The following CNTN4 variants were observed in gnomAD, a reference collection of about 807,000 sequenced individuals.
CNTN4 encodes the protein contactin-4.
In CNTN4, 77 loss-of-function variants were observed where a neutral mutation model predicts 122.5. The ratio of observed to expected loss-of-function variants is 0.63; its 90% CI spans 0.52 to 0.76. The LOEUF (loss-of-function observed/expected upper bound fraction) is 0.76. Among genes scored for constraint, CNTN4 ranks in the 30% least tolerant of loss-of-function variants. CNTN4 has a pLI of 0.00. For missense variants in CNTN4, 1,256 were observed against 1,259.1 expected (o/e 1.00, Z 0.04); for synonymous variants, 512 against 447.0 (o/e 1.15, Z -1.83).
At chr3:2,805,727 G>A (rs1034889132) in intron 6 of CNTN4, among the ~76,000 whole-genome samples, 1 of 152,022 alleles carries the variant, frequency 6.6e-6, no homozygotes, top group African/African-American at 2.4e-5. Context: ...GATGCCAAAG[G>A]GGGAGAAATT....
intron 6 of CNTN4, among the ~76,000 whole-genome samples, chr3:2,805,936 C>G (rs1214054602): frequency 6.6e-6 from 1 of 152,130 alleles, no homozygotes; most frequent in Non-Finnish European, 1.5e-5. Flanking sequence ...GAGTCTCGCT[C>G]TGTCGCCCAG....
At chr3:2,751,857 T>G (rs1326395831) in intron 6 of CNTN4, among the ~76,000 whole-genome samples, 1 of 152,144 alleles carries the variant, frequency 6.6e-6, no homozygotes, top group East Asian at 1.9e-4. Flanking sequence ...TTTTTTAACT[T>G]AGGAATGTGG....
At chr3:2,888,427 G>A (rs1240763644) in intron 10 of CNTN4, among the ~76,000 whole-genome samples, 5 of 152,036 alleles carry the variant, frequency 3.3e-5, no homozygotes, top group African/African-American at 1.2e-4. Context: ...CCTGATAAGA[G>A]ACCACCAACA....
At chr3:3,052,567 G>C (rs1201672959) in intron 23 of CNTN4, among the ~76,000 whole-genome samples, 1 of 152,162 alleles carries the variant, frequency 6.6e-6, no homozygotes, top group Non-Finnish European at 1.5e-5. Context: ...GGTTCTATAG[G>C]TAAAGGCACA....
intron 4 of CNTN4, among the ~76,000 whole-genome samples, chr3:2,644,131 AGT>A (rs2083014785): frequency 6.6e-6 from 1 of 152,112 alleles, no homozygotes; most frequent in Admixed American, 6.5e-5. Context: ...CCTGCCCCCC[AGT>A]GTGTGTTCTT....
At chr3:2,535,561 A>G (rs996111115) in intron 3 of CNTN4, among the ~76,000 whole-genome samples, 1 of 152,142 alleles carries the variant, frequency 6.6e-6, no homozygotes, top group Non-Finnish European at 1.5e-5. Flanking sequence ...TTTTGTTCAC[A>G]GTACTTGGTA....
intron 4 of CNTN4, among the ~76,000 whole-genome samples, chr3:2,575,155 T>C (rs2079603411): frequency 6.6e-6 from 1 of 152,046 alleles, no homozygotes; most frequent in African/African-American, 2.4e-5. Flanking sequence ...ATTATATGAA[T>C]ATGTTAAATT....
intron 2 of CNTN4, among the ~76,000 whole-genome samples, chr3:2,170,074 C>G (rs895609782): frequency 2.6e-5 from 4 of 151,968 alleles, no homozygotes; most frequent in Non-Finnish European, 5.9e-5. Flanking sequence ...GTAATCCCAG[C>G]ACTTTGGGAG....
In CNTN4 at chr3:2,683,732, T is replaced by C. The variant is rs551236843; in HGVS notation, c.56-52483T>C. 3.3e-4 allele frequency among the ~76,000 whole-genome samples: 51 copies of C among 152,244 alleles called. No homozygotes were observed. In the East Asian group the frequency reaches 5.4e-3, roughly 16 times the overall value. ...TGACATTTGAGCAAAGGTAAACACA[T>C]ATAAGAAATCTAAGACTTGCATTCT... On this transcript the variant is annotated intron_variant, in intron 4 of 24. Coordinates refer to ENST00000418658, the MANE Select transcript of CNTN4 (RefSeq NM_175607.3).
intron 2 of CNTN4, among the ~76,000 whole-genome samples, chr3:2,317,216 A>G (rs981840091): frequency 2.0e-5 from 3 of 152,210 alleles, no homozygotes; most frequent in Admixed American, 6.5e-5. Flanking sequence ...GACCTGATGG[A>G]TTATCATAAA....
At position 2,385,535 on chromosome 3, in the gene CNTN4, G is replaced by A. The variant is rs1305357639; in HGVS notation, c.-89+46302G>A. On this transcript the variant is annotated intron_variant, in intron 3 of 24. Coordinates refer to ENST00000418658, the MANE Select transcript of CNTN4 (RefSeq NM_175607.3). This position sits in a 1 kb window ranked among gnomAD's most constrained non-coding sequence, Gnocchi z 4.0. ...AAGTTTATTCTCTCACACTTCTAGAGGCCAGAAGTCCAAAATCAGGTGTTG... is the reference window on the plus strand; with the variant it reads ...AAGTTTATTCTCTCACACTTCTAGAAGCCAGAAGTCCAAAATCAGGTGTTG... Among the ~76,000 whole-genome samples, 2 of 152,028 alleles carry A rather than the reference G, an allele frequency of 1.3e-5. No individual in the cohort carries two copies. The highest frequency in any genetic ancestry group is 2.9e-5 in the Non-Finnish European group (2 of 68,012).
rs34815993 is a variant in CNTN4, at chr3:2,244,458, G to T, written c.-144-94720G>T. Among the ~76,000 whole-genome samples, 1,053 of 152,094 alleles carry T rather than the reference G, an allele frequency of 6.9e-3. 5 individuals carry two copies. The highest frequency in any genetic ancestry group is 0.011 in the Non-Finnish European group (764 of 67,968). ...GAAATGTGTGCCCAAAGTGATATGT[G>T]CTGTAAGTGAAAAATGAACATTAGG... On this transcript the variant is annotated intron_variant, in intron 2 of 24. Coordinates refer to ENST00000418658, the MANE Select transcript of CNTN4 (RefSeq NM_175607.3).
intron 12 of CNTN4, among the ~76,000 whole-genome samples, chr3:2,917,503 G>C (rs9878142): frequency 0.14 from 21,797 of 152,094 alleles, 1,881 homozygotes; most frequent in Non-Finnish European, 0.19. Context: ...CTGGAATTCT[G>C]CATTTCTAAC....
chr3:2,210,875 A>G (rs1025104265), intron 2 of CNTN4, among the ~76,000 whole-genome samples: 2 of 152,218 alleles, frequency 1.3e-5, no homozygotes, highest in Non-Finnish European at 2.9e-5. Context: ...TAGAAGAAAA[A>G]CAAATCATGA....
chr3:2,611,012 A>C (rs1030713771), intron 4 of CNTN4, among the ~76,000 whole-genome samples: 1 of 152,142 alleles, frequency 6.6e-6, no homozygotes, highest in African/African-American at 2.4e-5. Context: ...GATACATCTT[A>C]TAACAATACT....
chr3:2,131,335 G>C (rs762186285), intron 2 of CNTN4, among the ~76,000 whole-genome samples: 2 of 152,158 alleles, frequency 1.3e-5, no homozygotes, highest in Non-Finnish European at 2.9e-5. Flanking sequence ...CATAGACTCA[G>C]TCTTACATCA....
intron 2 of CNTN4, among the ~76,000 whole-genome samples, chr3:2,129,428 G>A (rs533388409): frequency 2.1e-5 from 3 of 143,628 alleles, no homozygotes; most frequent in African/African-American, 7.4e-5. Flanking sequence ...AGTTGTTTTC[G>A]ATATGCTATT....
Position 2,401,609 on chromosome 3 carries a change from A to G in CNTN4, c.-89+62376A>G, listed in dbSNP as rs112847813. 6.2e-4 allele frequency among the ~76,000 whole-genome samples: 95 copies of G among 152,210 alleles called. 2 individuals are homozygous for G. In the Middle Eastern group the frequency reaches 0.014, roughly 22 times the overall value. On this transcript the variant is annotated intron_variant, in intron 3 of 24. Coordinates refer to ENST00000418658, the MANE Select transcript of CNTN4 (RefSeq NM_175607.3). The stretch of plus-strand genomic sequence containing the variant: ...TTTCTCAAATGACTTGATTGAAGAC[A>G]ATCTGAGTAATTCAAGACTAGAGAG...
intron 24 of CNTN4, 42 bp downstream of exon 24, chr3:3,054,017 A>G (rs1701537580): frequency 2.5e-6 from 4 of 1,600,202 alleles, no homozygotes; most frequent in African/African-American, 1.3e-5. Context: ...TGCCTGTCTT[A>G]TCTTATCAGC....
Sources: gnomAD v4.1 joint callset for allele counts (sites outside exome capture counted in the v4.1 genomes callset) on GRCh38, gnomAD v4.1.1 for gene constraint, Gnocchi (gnomAD v3.1) non-coding constraint, MANE v1.5 for transcripts, NCBI Gene and HGNC (gene_info 2026-07-23, HGNC 2026-07-21) for gene names.